The following FHIT variants were observed in gnomAD, a reference collection of about 807,000 sequenced individuals.
FHIT encodes bis(5'-adenosyl)-triphosphatase.
Under a neutral mutation model 17.9 loss-of-function variants are expected in FHIT, and 19 were observed. That is an observed-to-expected ratio of 1.06 (90% confidence interval 0.74 to 1.56). FHIT has a LOEUF of 1.56. FHIT is among the 40% of genes most tolerant of loss of function. FHIT has a pLI of 0.00. For missense variants in FHIT, 248 were observed against 189.2 expected (o/e 1.31, Z -1.82); for synonymous variants, 81 against 69.7 (o/e 1.16, Z -0.81).
chr3:60,381,045 C>A (rs189656938), intron 5 of FHIT, among the ~76,000 whole-genome samples: 29 of 152,182 alleles, frequency 1.9e-4, no homozygotes, highest in Non-Finnish European at 3.7e-4. Flanking sequence ...TTTAACATAA[C>A]CAAAAAGTTC....
Position 59,917,979 on chromosome 3 carries a change from G to A in FHIT, c.348+4367C>T, listed in dbSNP as rs114681252. ...TCAGACAAGGTTTATAATTGCTTCC[G>A]CTAACCTTTCCAGAGTACCACAATT... On this transcript the variant is annotated intron_variant, in intron 8 of 9. Transcript: ENST00000492590. Among the ~76,000 whole-genome samples, 1,162 of 152,236 alleles carry A rather than the reference G, an allele frequency of 7.6e-3. 21 individuals carry two copies. Among genetic ancestry groups the A allele is most frequent in the African/African-American group, 0.027 (1,116 of 41,532 alleles).
intron 2 of FHIT, among the ~76,000 whole-genome samples, chr3:61,085,748 A>G (rs991987083): frequency 6.6e-6 from 1 of 152,146 alleles, no homozygotes; most frequent in African/African-American, 2.4e-5. Flanking sequence ...GAAGTTTTAT[A>G]GTTTTAAAGC....
rs560418353 is a variant in FHIT, at chr3:60,310,485, C to G, written c.103+226375G>C. Among the ~76,000 whole-genome samples, 22 of 152,168 alleles carry G rather than the reference C, an allele frequency of 1.4e-4. No individual in the cohort carries two copies. The East Asian group carries it at 3.9e-3, about 27-fold the overall frequency. On this transcript the variant is annotated intron_variant, in intron 5 of 9. Coordinates refer to ENST00000492590, the MANE Select transcript of FHIT (RefSeq NM_002012.4). The stretch of plus-strand genomic sequence containing the variant: ...CAATCAATGATAAATTTCCCCCACC[C>G]TAGGCCTAGGGGTCAGTACTGATAA...
intron 8 of FHIT, among the ~76,000 whole-genome samples, chr3:59,766,570 T>C (rs1701807606): frequency 6.6e-6 from 1 of 152,252 alleles, no homozygotes; most frequent in South Asian, 2.1e-4. Flanking sequence ...ATAAATGTGC[T>C]CTTATGTTTT....
chr3:60,906,615 A>C (rs1706438903), intron 3 of FHIT, among the ~76,000 whole-genome samples: 1 of 152,194 alleles, frequency 6.6e-6, no homozygotes, highest in African/African-American at 2.4e-5. Context: ...GGACATACTC[A>C]AAGACTGATG....
chr3:60,900,759 A>G (rs923443952), intron 3 of FHIT, among the ~76,000 whole-genome samples: 2 of 152,102 alleles, frequency 1.3e-5, no homozygotes, highest in Admixed American at 1.3e-4. Context: ...CACTTTCCTG[A>G]CTCTAATGGG....
intron 5 of FHIT, among the ~76,000 whole-genome samples, chr3:60,019,811 C>G (rs1213936907): frequency 6.6e-6 from 1 of 152,190 alleles, no homozygotes; most frequent in East Asian, 1.9e-4. Context: ...CAAAGTCACA[C>G]AGTTAGGAGC....
chr3:60,627,086 C>T (rs72872707), intron 4 of FHIT, among the ~76,000 whole-genome samples: 1,681 of 152,168 alleles, frequency 0.011, 38 homozygotes, highest in African/African-American at 0.039. Flanking sequence ...ATCCAGTTTG[C>T]TTGTCTTCCA....
chr3:60,288,619 G>C (rs1198060178), intron 5 of FHIT, among the ~76,000 whole-genome samples: 1 of 151,654 alleles, frequency 6.6e-6, no homozygotes, highest in African/African-American at 2.4e-5. Flanking sequence ...GGGGGTGTGG[G>C]TGTGTGCACG....
At chr3:60,817,522 CTT>C (rs1287064724) in intron 4 of FHIT, among the ~76,000 whole-genome samples, 1 of 148,364 alleles carries the variant, frequency 6.7e-6, no homozygotes, top group Admixed American at 6.8e-5. Flanking sequence ...CAGTGTTTTG[CTT>C]TTTTTTTTAC....
intron 4 of FHIT, among the ~76,000 whole-genome samples, chr3:60,549,563 T>C (rs1163921584): frequency 6.6e-6 from 1 of 152,198 alleles, no homozygotes; most frequent in Non-Finnish European, 1.5e-5. Flanking sequence ...ATGTAGCCAA[T>C]AGTTGATATC....
intron 5 of FHIT, among the ~76,000 whole-genome samples, chr3:60,390,566 G>A (rs1318821410): frequency 2.6e-5 from 4 of 152,080 alleles, no homozygotes; most frequent in Non-Finnish European, 5.9e-5. Flanking sequence ...AGAAGGCGTT[G>A]TTATCACAGA....
intron 3 of FHIT, among the ~76,000 whole-genome samples, chr3:60,989,344 CAG>C (rs1333306289): frequency 6.6e-6 from 1 of 151,258 alleles, no homozygotes; most frequent in Non-Finnish European, 1.5e-5. Context: ...TTTGGAGAGA[CAG>C]GGGTCTTGCT....
chr3:60,656,476 A>G (rs889318749), intron 4 of FHIT, among the ~76,000 whole-genome samples: 1 of 152,020 alleles, frequency 6.6e-6, no homozygotes, highest in Non-Finnish European at 1.5e-5. Flanking sequence ...CCCGCACCCA[A>G]ATGAATTGGG....
In FHIT at chr3:60,968,035, G is replaced by A. The variant is rs899227447; in HGVS notation, c.-111+74012C>T. 4.6e-5 allele frequency among the ~76,000 whole-genome samples: 7 copies of A among 152,312 alleles called. No homozygotes were observed. The East Asian group carries it at 1.2e-3, about 25-fold the overall frequency. The stretch of plus-strand genomic sequence containing the variant: ...ATTAGTAAGAAATCTGGTGAACATC[G>A]TATTGGTAAACAAAAACAATTTTTA... On this transcript the variant is annotated intron_variant, in intron 3 of 9. Transcript: ENST00000492590.
intron 8 of FHIT, among the ~76,000 whole-genome samples, chr3:59,844,487 G>A (rs1559654850): frequency 6.6e-6 from 1 of 151,502 alleles, no homozygotes; most frequent in Admixed American, 6.6e-5. Context: ...AGTTTGTTGA[G>A]TGTGTGTGTC....
At chr3:59,922,803 A>G (rs1264142461) in intron 7 of FHIT, among the ~76,000 whole-genome samples, 1 of 152,214 alleles carries the variant, frequency 6.6e-6, no homozygotes, top group East Asian at 1.9e-4. Flanking sequence ...ATAAGTAAAG[A>G]GCGAGTGAAT....
At position 60,539,916 on chromosome 3, in the gene FHIT, T is replaced by C. The variant is rs574642023; in HGVS notation, c.-17-2937A>G. Among the ~76,000 whole-genome samples, 8 of 151,534 alleles carry C rather than the reference T, an allele frequency of 5.3e-5. No individual in the cohort carries two copies. In the East Asian group the frequency reaches 1.6e-3, roughly 29 times the overall value. ...GTAACAAACCTGCATGTTGTGCACA[T>C]GTACCCTAGAACTTAAAGTATAATA... On this transcript the variant is annotated intron_variant, in intron 4 of 9. Coordinates refer to ENST00000492590, the MANE Select transcript of FHIT (RefSeq NM_002012.4).
At chr3:59,840,305 G>A (rs974782953) in intron 8 of FHIT, among the ~76,000 whole-genome samples, 3 of 151,468 alleles carry the variant, frequency 2.0e-5, no homozygotes, top group Non-Finnish European at 2.9e-5. Flanking sequence ...CACCTATAGG[G>A]GCCCTTTGAT....
Sources: allele counts gnomAD v4.1 joint callset (sites outside exome capture counted in the v4.1 genomes callset), GRCh38; gene constraint gnomAD v4.1.1; transcripts MANE v1.5; gene names NCBI Gene and HGNC (gene_info 2026-07-23, HGNC 2026-07-21).